The following DMC1 variants were observed in gnomAD, a reference collection of about 807,000 sequenced individuals.
DMC1 encodes the protein meiotic recombination protein DMC1 homolog.
DMC1 carries 27 observed loss-of-function variants against 50.1 expected under a neutral mutation model. That is an observed-to-expected ratio of 0.54 (90% CI 0.40 to 0.74). The LOEUF (loss-of-function observed/expected upper bound fraction) is 0.74. Ranked by LOEUF, DMC1 falls within the 30% of genes least tolerant of loss-of-function variation. DMC1 has a pLI of 0.00. For missense variants in DMC1, 295 were observed against 420.2 expected, an observed-to-expected ratio of 0.70 and a Z score of 2.60; for synonymous variants, 148 against 136.1, an observed-to-expected ratio of 1.09 and a Z score of -0.61.
In DMC1 at chr22:38,566,742, A is replaced by G; in HGVS notation, c.97-6T>C. The G allele has an allele frequency of 6.2e-7, 1 of 1,613,548 alleles. No individual in the cohort carries two copies. The highest frequency in any genetic ancestry group is 8.5e-7 in the Non-Finnish European group (1 of 1,179,670). On this transcript the variant is annotated splice_polypyrimidine_tract_variant and splice_region_variant and intron_variant, in intron 3 of 13. Coordinates refer to ENST00000216024, the MANE Select transcript of DMC1 (RefSeq NM_007068.4). ...TTCTTAATGTCAGCCACGTTCTGTA[A>G]ATTAAAGAATGGGCACAGCAGACTG...
chr22:38,554,939 C>G (rs1489909011), intron 6 of DMC1, among the ~76,000 whole-genome samples: 1 of 151,970 alleles, frequency 6.6e-6, no homozygotes, highest in African/African-American at 2.4e-5. Flanking sequence ...AAAAAATTAG[C>G]TGGGAGTGGT....
rs1282878260 is a variant in DMC1 at position 38,543,313 on chromosome 22, T to G, written c.495-3901A>C. On this transcript the variant is annotated intron_variant, in intron 8 of 13. Coordinates refer to ENST00000216024, the MANE Select transcript of DMC1 (RefSeq NM_007068.4). ...GGCATGATCTCGGCTCACTGCAAGC[T>G]CCACCTCCCAGGTTCACGCCATTCT... Among the ~76,000 whole-genome samples the G allele has an allele frequency of 3.3e-5, 5 of 150,032 alleles. No homozygotes were observed. The East Asian group carries it at 9.8e-4, about 29-fold the overall frequency.
At chr22:38,526,398 C>T (rs1471264087) in intron 12 of DMC1, among the ~76,000 whole-genome samples, 5 of 151,786 alleles carry the variant, frequency 3.3e-5, no homozygotes, top group South Asian at 2.1e-4. Context: ...TTAGTAGAGA[C>T]GGGGTTTCAC....
In DMC1 at chr22:38,519,547, C is replaced by T. The variant is rs754516940; in HGVS notation, c.*473G>A. 6.0e-6 allele frequency: 1 copy of T among 166,864 alleles called. No homozygotes were observed. The highest frequency in any genetic ancestry group is 2.4e-5 in the African/African-American group (1 of 41,640). 10.3% of individuals were successfully genotyped at this position (166,864 alleles called of 1,614,324 possible). On this transcript the variant is annotated 3_prime_UTR_variant, in exon 14 of 14. Transcript: ENST00000216024. ...CTTAAATCCTCTTGTGGAAAAACATCTAGCTATGTAAGTCAGTGGCACTAT... is the reference window on the plus strand; with the variant it reads ...CTTAAATCCTCTTGTGGAAAAACATTTAGCTATGTAAGTCAGTGGCACTAT...
At chr22:38,555,055 G>A (rs2090454729) in intron 6 of DMC1, among the ~76,000 whole-genome samples, 1 of 148,514 alleles carries the variant, frequency 6.7e-6, no homozygotes, top group Non-Finnish European at 1.5e-5. Flanking sequence ...CTGCACTCCA[G>A]CCTGGACCTG....
the DMC1 span, among the ~76,000 whole-genome samples, chr22:38,509,748 C>A: frequency 2.6e-5 from 4 of 152,168 alleles, no homozygotes; most frequent in African/African-American, 9.6e-5. Context: ...TGGTTCACTG[C>A]AACTTCTGCC....
Position 38,539,332 on chromosome 22 carries a change from C to A in DMC1, c.575G>T (p.Arg192Leu), listed in dbSNP as rs1282071888. Residue 192 changes from arginine (R) to leucine (L), a missense_variant, in exon 9 of 14, where the codon CGT becomes CTT. Arg to Leu is a moderately radical substitution (Grantham distance 102). Coordinates refer to ENST00000216024, the MANE Select transcript of DMC1 (RefSeq NM_007068.4). ...DAVLDNVLYA[R>L]AYTSEHQMEL... is the part of the protein sequence containing the mutation. ...CATGGGGCTCTTACTAGTATATGCACGTGCATAAAGTACGTTGTCCAGTAC... is the reference window on the plus strand; with the variant it reads ...CATGGGGCTCTTACTAGTATATGCAAGTGCATAAAGTACGTTGTCCAGTAC... The A allele has an allele frequency of 1.2e-6, 2 of 1,613,336 alleles. No homozygotes were observed. The highest frequency in any genetic ancestry group is 1.7e-6 in the Non-Finnish European group (2 of 1,179,446).
intron 7 of DMC1, among the ~76,000 whole-genome samples, chr22:38,550,795 G>A (rs1441136598): frequency 6.6e-6 from 1 of 150,708 alleles, no homozygotes; most frequent in East Asian, 2.0e-4. Context: ...GCTGGGTGTG[G>A]TGGTGCATGC....
chr22:38,533,252 G>T (rs1276181127), intron 12 of DMC1, among the ~76,000 whole-genome samples: 1 of 151,746 alleles, frequency 6.6e-6, no homozygotes, highest in African/African-American at 2.4e-5. Flanking sequence ...AAAATTAGCC[G>T]GGTGTGGTGG....
intron 5 of DMC1, among the ~76,000 whole-genome samples, chr22:38,557,319 A>C (rs567583168): frequency 2.0e-5 from 3 of 152,318 alleles, no homozygotes; most frequent in African/African-American, 4.8e-5. Flanking sequence ...AGACTCAGGA[A>C]AATTTAGAAT....
chr22:38,526,935 A>G (rs1316899728), intron 12 of DMC1, among the ~76,000 whole-genome samples: 1 of 152,202 alleles, frequency 6.6e-6, no homozygotes, highest in Non-Finnish European at 1.5e-5. Flanking sequence ...GTCTGCCCCC[A>G]GGAAACAGAT....
At chr22:38,551,303 A>C (rs1345732775) in intron 7 of DMC1, among the ~76,000 whole-genome samples, 1 of 152,138 alleles carries the variant, frequency 6.6e-6, no homozygotes. Flanking sequence ...GTTACCTTTA[A>C]ATTAATGTAT....
At chr22:38,549,845 T>C (rs1602749611) in intron 8 of DMC1, 80 bp downstream of exon 8, 1 of 1,065,352 alleles carries the variant, frequency 9.4e-7, no homozygotes, top group South Asian at 1.3e-5. Context: ...CTACAAAGAT[T>C]GTATATCTCA....
At chr22:38,511,526 G>A in the DMC1 span, among the ~76,000 whole-genome samples, 1 of 152,030 alleles carries the variant, frequency 6.6e-6, no homozygotes, top group African/African-American at 2.4e-5. Context: ...GGTGCTTGAG[G>A]CTGCAGTGAG....
intron 12 of DMC1, 58 bp downstream of exon 12, chr22:38,537,534 G>A (rs1290510765): frequency 1.9e-5 from 28 of 1,485,446 alleles, no homozygotes; most frequent in Non-Finnish European, 2.4e-5. Flanking sequence ...TCTATTCTAC[G>A]CTCTAACCCT....
At chr22:38,546,374 A>T (rs1245096178) in intron 8 of DMC1, among the ~76,000 whole-genome samples, 1 of 151,938 alleles carries the variant, frequency 6.6e-6, no homozygotes, top group African/African-American at 2.4e-5. Flanking sequence ...GGGCAACAAG[A>T]GTGAAACTCC....
intron 12 of DMC1, among the ~76,000 whole-genome samples, chr22:38,535,616 T>G (rs901689935): frequency 6.6e-6 from 1 of 151,944 alleles, no homozygotes; most frequent in African/African-American, 2.4e-5. Context: ...TCTTTTTTTT[T>G]TTTGTTTTTG....
At chr22:38,544,630 C>CT (rs142876191) in intron 8 of DMC1, among the ~76,000 whole-genome samples, 4,195 of 143,638 alleles carry the variant, frequency 0.029, 186 homozygotes, top group African/African-American at 0.096. Flanking sequence ...AATAAACTTT[C>CT]TTTTTTTTTT....
chr22:38,552,467 T>C (rs911664264), intron 7 of DMC1, among the ~76,000 whole-genome samples, 199 bp downstream of exon 7: 4 of 152,200 alleles, frequency 2.6e-5, no homozygotes, highest in African/African-American at 9.6e-5. Flanking sequence ...GTGTTCATAG[T>C]GCAGCACATA....
Sources: gnomAD v4.1 joint callset for allele counts (sites outside exome capture counted in the v4.1 genomes callset) on GRCh38, gnomAD v4.1.1 for gene constraint, MANE v1.5 for transcripts, NCBI Gene and HGNC (gene_info 2026-07-23, HGNC 2026-07-21) for gene names.